Variants in ZC3H4 observed in about 807,000 individuals in gnomAD.
ZC3H4 encodes zinc finger CCCH domain-containing protein 4.
Under a neutral mutation model 108.3 loss-of-function variants are expected in ZC3H4, and 13 were observed. The ratio of observed to expected loss-of-function variants is 0.12; its 90% CI spans 0.08 to 0.19. The LOEUF (loss-of-function observed/expected upper bound fraction) is 0.19. Among genes scored for constraint, ZC3H4 ranks in the 10% least tolerant of loss-of-function variants. The pLI, the probability that ZC3H4 is intolerant of heterozygous loss-of-function variation, is 1.00. For missense variants in ZC3H4, 1,734 were observed against 1,838.8 expected, an observed-to-expected ratio of 0.94 and a Z score of 1.04; for synonymous variants, 917 against 749.6, an observed-to-expected ratio of 1.22 and a Z score of -3.65.
chr19:47,084,071 C>T (rs1055857396), intron 9 of ZC3H4, among the ~76,000 whole-genome samples: 4 of 152,154 alleles, frequency 2.6e-5, no homozygotes, highest in Non-Finnish European at 5.9e-5. Context: ...TCCATAATTA[C>T]GTTTCAGGCT....
At chr19:47,086,609 A>C in intron 5 of ZC3H4, 71 bp from the exon 6 acceptor site, 3 of 1,489,144 alleles carry the variant, frequency 2.0e-6, no homozygotes, top group South Asian at 1.4e-5. Context: ...GACAACCCAC[A>C]TTTTGCTCCT....
chr19:47,088,254 T>C (rs1290507430), intron 5 of ZC3H4, among the ~76,000 whole-genome samples: 3 of 146,754 alleles, frequency 2.0e-5, no homozygotes, highest in African/African-American at 5.1e-5. Context: ...GGCACAAGAA[T>C]TGCTTGAACC....
chr19:47,109,596 G>A (rs2058011131), intron 2 of ZC3H4, among the ~76,000 whole-genome samples: 2 of 152,162 alleles, frequency 1.3e-5, no homozygotes, highest in South Asian at 2.1e-4. Flanking sequence ...GCAGGATATC[G>A]TAGTTTGGAG....
intron 2 of ZC3H4, among the ~76,000 whole-genome samples, chr19:47,098,533 G>C (rs990771912): frequency 2.0e-5 from 3 of 151,720 alleles, no homozygotes; most frequent in Non-Finnish European, 2.9e-5. Context: ...GGAGGCCAAG[G>C]CAGGCAGATC....
At chr19:47,070,520 C>T (rs1417567145) in intron 13 of ZC3H4, among the ~76,000 whole-genome samples, 4 of 152,174 alleles carry the variant, frequency 2.6e-5, no homozygotes, top group African/African-American at 4.8e-5. Context: ...CTTCTGGTGC[C>T]CCGCCAGCAG....
intron 13 of ZC3H4, 84 bp from the exon 14 acceptor site, chr19:47,069,427 C>A: frequency 6.7e-7 from 1 of 1,503,292 alleles, no homozygotes; most frequent in African/African-American, 1.4e-5. Context: ...ACTGCAAACC[C>A]ACACCGATGG....
At chr19:47,079,931 G>A (rs151337843) in intron 11 of ZC3H4, among the ~76,000 whole-genome samples, 2 of 152,200 alleles carry the variant, frequency 1.3e-5, no homozygotes, top group East Asian at 1.9e-4. Flanking sequence ...CAGGCTCCCC[G>A]GAGGGACTTG....
In ZC3H4 at chr19:47,066,759, T is replaced by G; in HGVS notation, c.3509A>C (p.Gln1170Pro). Residue 1170 changes from glutamine (Q) to proline (P), a missense_variant, in exon 15 of 15, where the codon CAG becomes CCG. Physicochemically the swap from Gln to Pro is moderately conservative, Grantham distance 76 (BLOSUM62 -1). Around this residue, in one of 9 missense-constraint regions of ZC3H4, gnomAD observed 518 missense variants for 499.6 expected, o/e 1.04. Transcript: ENST00000253048. ...ATEPAADTGA[Q>P]PKGAEGNGKS... Reference sequence around the variant, plus strand: ...GCCATTGCCCTCAGCACCCTTGGGCTGGGCACCCGTGTCAGCAGCCGGCTC... The same window carrying G: ...GCCATTGCCCTCAGCACCCTTGGGCGGGGCACCCGTGTCAGCAGCCGGCTC... 6.2e-7 allele frequency: 1 copy of G among 1,603,936 alleles called. No homozygotes were observed. The highest frequency in any genetic ancestry group is 8.5e-7 in the Non-Finnish European group (1 of 1,178,344).
At chr19:47,101,829 C>G (rs2057907798) in intron 2 of ZC3H4, among the ~76,000 whole-genome samples, 1 of 150,402 alleles carries the variant, frequency 6.6e-6, no homozygotes, top group Non-Finnish European at 1.5e-5. Context: ...GATCGCACCA[C>G]TGCACTCCAG....
In ZC3H4 at chr19:47,094,560, C is replaced by T. The variant is rs370501294; in HGVS notation, c.210G>A (p.Glu70=). The T allele has an allele frequency of 6.2e-7, 1 of 1,614,226 alleles. No individual in the cohort carries two copies. Among genetic ancestry groups the T allele is most frequent in the Non-Finnish European group, 8.5e-7 (1 of 1,180,044 alleles). ...GCCCTCCGGAGGTATCCTGGGTCTC[C>T]TCTGCCCCATCATCTTCCAATTCAC... ...EEGELEDDGA[E]ETQDTSGGPE... Residue 70 remains glutamate, a synonymous_variant, in exon 3 of 15, where the codon GAG becomes GAA. Transcript: ENST00000253048.
chr19:47,086,639 GCCTCCTCCTCCTTCTCCT>G, intron 5 of ZC3H4, 101 bp from the exon 6 acceptor site: 1 of 1,431,510 alleles, frequency 7.0e-7, no homozygotes, highest in South Asian at 1.5e-5. Context: ...CACTTCAGCT[GCCTCCTCCTCCTTCTCCT>G]CCTCCTCCTC....
At chr19:47,069,408 CT>C (rs1357043322) in intron 13 of ZC3H4, 65 bp from the exon 14 acceptor site, 15 of 1,543,506 alleles carry the variant, frequency 9.7e-6, no homozygotes, top group East Asian at 4.7e-5. Context: ...TCCAGCCCCC[CT>C]GCCCCTCACT....
chr19:47,082,156 C>G (rs1421202416), intron 10 of ZC3H4, 28 bp downstream of exon 10: 18 of 1,582,192 alleles, frequency 1.1e-5, no homozygotes, highest in Non-Finnish European at 1.5e-5. Flanking sequence ...CGCCCTCATT[C>G]AGACCAGATG....
intron 2 of ZC3H4, among the ~76,000 whole-genome samples, chr19:47,108,438 A>C (rs2057994875): frequency 6.6e-6 from 1 of 152,170 alleles, no homozygotes; most frequent in African/African-American, 2.4e-5. Flanking sequence ...ATAGCCATAA[A>C]AATGTAACAA....
chr19:47,111,753 G>A, intron 2 of ZC3H4, among the ~76,000 whole-genome samples: 1 of 148,700 alleles, frequency 6.7e-6, no homozygotes. Context: ...AAAAATACAA[G>A]TGCTATAGAG....
chr19:47,069,523 A>G lies in ZC3H4; in HGVS notation c.2147-180T>C, dbSNP rs184188816. ...GCGGCCCATGGGTAGCCCCGCCTAC[A>G]TGAAGAATGAGGTTCACAGAGAGGG... is the stretch of plus-strand genomic sequence containing the variant. On this transcript the variant is annotated intron_variant, in intron 13 of 14. Coordinates refer to ENST00000253048, the MANE Select transcript of ZC3H4 (RefSeq NM_015168.2). Among the ~76,000 whole-genome samples, 74 of 152,346 alleles carry G rather than the reference A, an allele frequency of 4.9e-4. No individual in the cohort carries two copies. The East Asian group carries it at 6.8e-3, about 14-fold the overall frequency.
In ZC3H4 at chr19:47,090,182, T is replaced by G; in HGVS notation, c.500A>C (p.Gln167Pro). Residue 167 changes from glutamine to proline, a missense_variant, in exon 5 of 15, where the codon CAG becomes CCG. This residue lies in a region of ZC3H4 where 403 missense variants were observed against 457.0 expected (regional missense o/e 0.88). Coordinates refer to ENST00000253048, the MANE Select transcript of ZC3H4 (RefSeq NM_015168.2). Reference sequence around the variant, plus strand: ...CGTGGCATGCGATGGGGGGTACTGCTGGTGGGACTGCGTCCCAGAGATGGG... The same window carrying G: ...CGTGGCATGCGATGGGGGGTACTGCGGGTGGGACTGCGTCCCAGAGATGGG... ...EYSPPYAPSH[Q>P]QYPPSHATPL... 6 of 1,614,136 alleles carry G rather than the reference T, an allele frequency of 3.7e-6. No homozygotes were observed. In the South Asian group the frequency reaches 6.6e-5, roughly 18 times the overall value.
At chr19:47,082,997 C>T (rs1000648689) in intron 9 of ZC3H4, among the ~76,000 whole-genome samples, 1 of 152,192 alleles carries the variant, frequency 6.6e-6, no homozygotes, top group Non-Finnish European at 1.5e-5. Context: ...GAACTGAAGA[C>T]AGAAGCTGAT....
intron 11 of ZC3H4, among the ~76,000 whole-genome samples, chr19:47,081,155 C>A (rs1442147632): frequency 6.6e-6 from 1 of 152,200 alleles, no homozygotes; most frequent in African/African-American, 2.4e-5. Context: ...CTGCCTCGGC[C>A]TCCCAAAGTG....
Sources: gnomAD v4.1 joint callset for allele counts (sites outside exome capture counted in the v4.1 genomes callset) on GRCh38, gnomAD v4.1.1 for gene constraint, gnomAD v4.1.1 regional missense constraint, MANE v1.5 for transcripts, NCBI Gene and HGNC (gene_info 2026-07-23, HGNC 2026-07-21) for gene names.